USP12: variants seen among roughly 807,000 people sequenced by gnomAD.
The protein encoded by USP12 is ubiquitin carboxyl-terminal hydrolase 12.
Under a neutral mutation model 45.5 loss-of-function variants are expected in USP12, and 19 were observed. The ratio of observed to expected loss-of-function variants is 0.42; its 90% CI spans 0.29 to 0.61. The LOEUF (loss-of-function observed/expected upper bound fraction) is 0.61, where lower values mean the gene tolerates loss of function less well. USP12 is among the 20% of genes least tolerant of loss of function. USP12 has a pLI of 0.22. For synonymous variants in USP12, 149 were observed against 148.8 expected, an observed-to-expected ratio of 1.00 and a Z score of -0.01; for missense variants, 242 against 447.7, an observed-to-expected ratio of 0.54 and a Z score of 4.15.
At chr13:27,093,752 G>A (rs1037346064) in intron 4 of USP12, among the ~76,000 whole-genome samples, 1 of 152,130 alleles carries the variant, frequency 6.6e-6, no homozygotes, top group African/African-American at 2.4e-5. Context: ...TTCATAATTG[G>A]CAAAACTTGG....
At chr13:27,136,756 G>C (rs922187343) in intron 1 of USP12, among the ~76,000 whole-genome samples, 1 of 152,008 alleles carries the variant, frequency 6.6e-6, no homozygotes, top group Non-Finnish European at 1.5e-5. Flanking sequence ...TGCTCAGGGA[G>C]CATTCAGTAT....
At chr13:27,090,019 C>T in intron 5 of USP12, 53 bp from the exon 6 acceptor site, 1 of 1,583,102 alleles carries the variant, frequency 6.3e-7, no homozygotes, top group Non-Finnish European at 8.6e-7. Flanking sequence ...AATCATGTAT[C>T]TTAAAAAATA....
At chr13:27,135,652 T>A (rs1156574347) in intron 1 of USP12, among the ~76,000 whole-genome samples, 1 of 152,130 alleles carries the variant, frequency 6.6e-6, no homozygotes, top group Non-Finnish European at 1.5e-5. Flanking sequence ...GTGGCAAAGG[T>A]TGCAGTATGC....
At chr13:27,070,577 G>A (rs533522518) in intron 8 of USP12, among the ~76,000 whole-genome samples, 28 of 146,678 alleles carry the variant, frequency 1.9e-4, no homozygotes, top group African/African-American at 6.3e-4. Flanking sequence ...TTTTTGAGAC[G>A]GAGTTCACTC....
chr13:27,136,757 C>A (rs764961416), intron 1 of USP12, among the ~76,000 whole-genome samples: 1 of 151,942 alleles, frequency 6.6e-6, no homozygotes, highest in Non-Finnish European at 1.5e-5. Context: ...GCTCAGGGAG[C>A]ATTCAGTATA....
At chr13:27,131,763 T>G (rs765553890) in intron 1 of USP12, among the ~76,000 whole-genome samples, 4 of 152,222 alleles carry the variant, frequency 2.6e-5, no homozygotes, top group Non-Finnish European at 5.9e-5. Flanking sequence ...GGTGTAAAAC[T>G]CAAAGTATTA....
chr13:27,100,148 G>C (rs915591094), intron 3 of USP12, among the ~76,000 whole-genome samples: 3 of 152,110 alleles, frequency 2.0e-5, no homozygotes, highest in Non-Finnish European at 4.4e-5. Context: ...CCACCAATTG[G>C]AAAAGTCTAG....
intron 4 of USP12, among the ~76,000 whole-genome samples, chr13:27,090,857 TAG>T (rs1874280040): frequency 6.6e-6 from 1 of 152,300 alleles, no homozygotes; most frequent in Admixed American, 6.5e-5. Flanking sequence ...TATTAGCACA[TAG>T]AGTTGTTCAT....
At chr13:27,101,013 T>G (rs1315963611) in intron 3 of USP12, among the ~76,000 whole-genome samples, 3 of 152,244 alleles carry the variant, frequency 2.0e-5, no homozygotes, top group Non-Finnish European at 4.4e-5. Context: ...TGTGCAAATG[T>G]TTTTGCTTTT....
At chr13:27,148,154 G>A (rs1299558098) in intron 1 of USP12, among the ~76,000 whole-genome samples, 2 of 150,702 alleles carry the variant, frequency 1.3e-5, no homozygotes, top group African/African-American at 4.9e-5. Flanking sequence ...TTTCTAAAAC[G>A]AAAACCTAAC....
chr13:27,077,541 T>C (rs763222198), intron 6 of USP12: 10 of 152,134 alleles, frequency 6.6e-5, no homozygotes, highest in Non-Finnish European at 4.4e-5. Flanking sequence ...ATGAATCCTA[T>C]TTGCCAAAGA....
chr13:27,136,018 T>A (rs559353377), intron 1 of USP12, among the ~76,000 whole-genome samples: 13 of 152,284 alleles, frequency 8.5e-5, no homozygotes, highest in South Asian at 4.1e-4. Context: ...AAAATATTAT[T>A]TTAAACAGAC....
At chr13:27,132,428 C>CA (rs138628703) in intron 1 of USP12, among the ~76,000 whole-genome samples, 6,345 of 148,366 alleles carry the variant, frequency 0.043, 448 homozygotes, top group African/African-American at 0.15. Flanking sequence ...TACAGGAAGG[C>CA]AAAAAAAAAG....
At chr13:27,099,631 T>C (rs970849997) in intron 3 of USP12, among the ~76,000 whole-genome samples, 3 of 152,190 alleles carry the variant, frequency 2.0e-5, no homozygotes, top group African/African-American at 7.2e-5. Context: ...ACCCTGAATC[T>C]TTCTCCCTAG....
At chr13:27,135,829 GGGA>G (rs1876777611) in intron 1 of USP12, among the ~76,000 whole-genome samples, 1 of 152,204 alleles carries the variant, frequency 6.6e-6, no homozygotes, top group South Asian at 2.1e-4. Context: ...AAGCTAGCTA[GGGA>G]GGGGAGAAGG....
intron 2 of USP12, among the ~76,000 whole-genome samples, chr13:27,109,314 G>A (rs531738708): frequency 6.6e-6 from 1 of 152,296 alleles, no homozygotes; most frequent in South Asian, 2.1e-4. Context: ...TGAATATTGT[G>A]TGTCTTTTAA....
intron 1 of USP12, among the ~76,000 whole-genome samples, chr13:27,146,400 T>C (rs745602281): frequency 6.6e-6 from 1 of 151,978 alleles, no homozygotes; most frequent in Non-Finnish European, 1.5e-5. Flanking sequence ...AGACTCTGTC[T>C]CAAAAAAAAG....
intron 1 of USP12, among the ~76,000 whole-genome samples, chr13:27,131,926 C>T (rs1015880560): frequency 3.3e-5 from 5 of 152,174 alleles, no homozygotes; most frequent in Non-Finnish European, 7.3e-5. Flanking sequence ...GAGAAATTGA[C>T]ACACACACTA....
At chr13:27,160,937 G>A (rs975831922) in intron 1 of USP12, among the ~76,000 whole-genome samples, 31 of 151,888 alleles carry the variant, frequency 2.0e-4, no homozygotes, top group African/African-American at 7.3e-4. Flanking sequence ...TCTTCCTGAT[G>A]CTCTCCCTCC....
Sources: gnomAD v4.1 joint callset for allele counts (sites outside exome capture counted in the v4.1 genomes callset) on GRCh38, gnomAD v4.1.1 for gene constraint, MANE v1.5 for transcripts, NCBI Gene and HGNC (gene_info 2026-07-23, HGNC 2026-07-21) for gene names.